The following FBXW11 variants were observed in gnomAD, a reference collection of about 807,000 sequenced individuals.
FBXW11 encodes the protein F-box and WD repeat domain containing 11.
In FBXW11, 19 loss-of-function variants were observed where a neutral mutation model predicts 77.6. The observed-to-expected ratio is 0.24, with a 90% CI of 0.17 to 0.36. FBXW11 has a LOEUF of 0.36. Among genes scored for constraint, FBXW11 ranks in the 10% least tolerant of loss-of-function variants. FBXW11 has a pLI of 1.00. For synonymous variants in FBXW11, 235 were observed against 249.4 expected, an observed-to-expected ratio of 0.94 and a Z score of 0.54; for missense variants, 334 against 704.2, an observed-to-expected ratio of 0.47 and a Z score of 5.95.
At chr5:171,950,103 A>G (rs907434101) in intron 2 of FBXW11, among the ~76,000 whole-genome samples, 11 of 152,302 alleles carry the variant, frequency 7.2e-5, no homozygotes, top group African/African-American at 2.6e-4. Context: ...ATATTATACA[A>G]TGATTTTAAA....
chr5:171,937,189 A>G (rs764160935), intron 2 of FBXW11, among the ~76,000 whole-genome samples: 12 of 152,214 alleles, frequency 7.9e-5, no homozygotes, highest in Non-Finnish European at 1.8e-4. Flanking sequence ...TTCTTTATGG[A>G]GCTAGACAAA....
In FBXW11 at chr5:171,869,829, G is replaced by A. The variant is rs1757641964; in HGVS notation, c.1452-22C>T. The A allele has an allele frequency of 3.2e-6, 5 of 1,556,072 alleles. No homozygotes were observed. Among genetic ancestry groups the A allele is most frequent in the Non-Finnish European group, 4.4e-6 (5 of 1,137,216 alleles). Reference sequence around the variant, plus strand: ...TTTCCTAGAAAGGAAAATGAGATGTGATTAGTGGAAAAGTGAACAATTTAT... The same window carrying A: ...TTTCCTAGAAAGGAAAATGAGATGTAATTAGTGGAAAAGTGAACAATTTAT... On this transcript the variant is annotated intron_variant, in intron 11 of 13. Coordinates refer to ENST00000517395, the MANE Select transcript of FBXW11 (RefSeq NM_001378974.1). The surrounding 1 kb of genome is among the most constrained non-coding windows in gnomAD (Gnocchi z 4.1).
At chr5:171,963,560 G>C (rs933583605) in intron 1 of FBXW11, among the ~76,000 whole-genome samples, 1 of 152,154 alleles carries the variant, frequency 6.6e-6, no homozygotes, top group African/African-American at 2.4e-5. Context: ...CTTCTCAGCT[G>C]TGTCATCCAA....
intron 1 of FBXW11, among the ~76,000 whole-genome samples, chr5:171,959,543 T>G (rs1039758705): frequency 2.0e-5 from 3 of 151,966 alleles, no homozygotes; most frequent in African/African-American, 7.2e-5. Flanking sequence ...AAGGAGAGCC[T>G]GATTTGTTAA....
intron 1 of FBXW11, among the ~76,000 whole-genome samples, chr5:171,988,780 G>A (rs1360034846): frequency 6.6e-6 from 1 of 152,076 alleles, no homozygotes; most frequent in African/African-American, 2.4e-5. Flanking sequence ...AGGAGGCAGA[G>A]GCTGCAGTGA....
intron 4 of FBXW11, among the ~76,000 whole-genome samples, chr5:171,903,142 G>C (rs1760251093): frequency 6.6e-6 from 1 of 152,102 alleles, no homozygotes; most frequent in Non-Finnish European, 1.5e-5. Flanking sequence ...TATCACCCAA[G>C]TTGGAGTACA....
At chr5:171,910,934 C>T (rs1375271526) in intron 3 of FBXW11, 137 bp from the exon 4 acceptor site, 10 of 613,948 alleles carry the variant, frequency 1.6e-5, no homozygotes, top group Non-Finnish European at 2.7e-5. Context: ...CATTCCTTTA[C>T]TAATTCATTC....
chr5:171,911,702 T>C (rs1434608209), intron 3 of FBXW11, among the ~76,000 whole-genome samples: 2 of 152,178 alleles, frequency 1.3e-5, no homozygotes, highest in African/African-American at 4.8e-5. Context: ...TCACAGACTC[T>C]TATACTAACA....
chr5:171,932,517 T>TATATGTA (rs1425212900), intron 2 of FBXW11, among the ~76,000 whole-genome samples: 1 of 152,150 alleles, frequency 6.6e-6, no homozygotes, highest in Admixed American at 6.5e-5. Flanking sequence ...TGAAATTCTG[T>TATATGTA]TACATGTATA....
At chr5:171,915,613 C>CTG (rs200618306) in intron 2 of FBXW11, among the ~76,000 whole-genome samples, 2,914 of 129,600 alleles carry the variant, frequency 0.022, 63 homozygotes, top group African/African-American at 0.045. Flanking sequence ...GTCACTCATT[C>CTG]TGTGTGTGTG....
chr5:171,969,743 C>T (rs1764421519), intron 1 of FBXW11, among the ~76,000 whole-genome samples: 1 of 152,150 alleles, frequency 6.6e-6, no homozygotes, highest in African/African-American at 2.4e-5. Context: ...GCTCTGTCAC[C>T]CAGGCTGGAG....
chr5:172,005,241 A>C (rs917325478), intron 1 of FBXW11, among the ~76,000 whole-genome samples: 2 of 152,236 alleles, frequency 1.3e-5, no homozygotes, highest in Non-Finnish European at 2.9e-5. Context: ...TGCTGGGTTA[A>C]GTAGATTCTT....
intron 1 of FBXW11, among the ~76,000 whole-genome samples, chr5:171,983,050 A>C (rs1187536377): frequency 6.6e-6 from 1 of 151,972 alleles, no homozygotes; most frequent in Non-Finnish European, 1.5e-5. Context: ...AAAAATGAAA[A>C]ATTAACCGAG....
intron 2 of FBXW11, among the ~76,000 whole-genome samples, chr5:171,918,636 C>T (rs189412650): frequency 6.6e-6 from 1 of 152,254 alleles, no homozygotes; most frequent in East Asian, 1.9e-4. Context: ...ACAATGCAGA[C>T]CCTCCTATTA....
chr5:171,904,077 G>A lies in FBXW11; in HGVS notation c.437-3977C>T, dbSNP rs1760311593. Among the ~76,000 whole-genome samples the A allele has an allele frequency of 6.6e-6, 1 of 152,034 alleles. No homozygotes were observed. Among genetic ancestry groups the A allele is most frequent in the Non-Finnish European group, 1.5e-5 (1 of 67,996 alleles). Reference sequence around the variant, plus strand: ...TTTGGGAGGCCAAGATGGGCAGATCGCTTGAGTCCAGGAGTTTGAGACCAG... The same window carrying A: ...TTTGGGAGGCCAAGATGGGCAGATCACTTGAGTCCAGGAGTTTGAGACCAG... On this transcript the variant is annotated intron_variant, in intron 4 of 13. Coordinates refer to ENST00000517395, the MANE Select transcript of FBXW11 (RefSeq NM_001378974.1). The surrounding 1 kb of genome is among the most constrained non-coding windows in gnomAD (Gnocchi z 4.0).
At chr5:171,893,853 A>G (rs1370697376) in intron 6 of FBXW11, among the ~76,000 whole-genome samples, 1 of 152,238 alleles carries the variant, frequency 6.6e-6, no homozygotes, top group East Asian at 1.9e-4. Context: ...TAAGAGGTAT[A>G]CAATTGCTTT....
At chr5:171,947,538 T>A (rs1763076505) in intron 2 of FBXW11, among the ~76,000 whole-genome samples, 1 of 150,286 alleles carries the variant, frequency 6.7e-6, no homozygotes, top group Non-Finnish European at 1.5e-5. Context: ...CCATCTCAAT[T>A]ATTAAAAAAA....
intron 2 of FBXW11, among the ~76,000 whole-genome samples, chr5:171,952,441 ATATATAT>A (rs1349678769): frequency 9.1e-5 from 1 of 11,022 alleles, no homozygotes; most frequent in African/African-American, 2.3e-4. Flanking sequence ...ATATATATAT[ATATATAT>A]TTTTTTTTTT....
chr5:171,923,824 CAGA>C (rs1761727709), intron 2 of FBXW11, among the ~76,000 whole-genome samples: 1 of 147,330 alleles, frequency 6.8e-6, no homozygotes, highest in African/African-American at 2.5e-5. Flanking sequence ...CCTGACTATA[CAGA>C]CATAACACAT....
Sources: allele counts gnomAD v4.1 joint callset (sites outside exome capture counted in the v4.1 genomes callset), GRCh38; gene constraint gnomAD v4.1.1; non-coding constraint Gnocchi (gnomAD v3.1); transcripts MANE v1.5; gene names NCBI Gene and HGNC (gene_info 2026-07-23, HGNC 2026-07-21).